The following PLA2G5 variants were observed in gnomAD, a reference collection of about 807,000 sequenced individuals.
PLA2G5 encodes Ca2+-dependent phospholipase A2.
A neutral mutation model predicts 15.9 loss-of-function variants in PLA2G5; 12 were observed. The ratio of observed to expected loss-of-function variants is 0.76; its 90% CI spans 0.48 to 1.23. PLA2G5 has a LOEUF of 1.23. PLA2G5 is among the 50% of genes most tolerant of loss of function. PLA2G5 has a pLI of 0.00. For missense variants in PLA2G5, 169 were observed against 177.1 expected, an observed-to-expected ratio of 0.95 and a Z score of 0.26; for synonymous variants, 71 against 71.4, an observed-to-expected ratio of 0.99 and a Z score of 0.03.
intron 1 of PLA2G5, among the ~76,000 whole-genome samples, chr1:20,074,182 T>C: frequency 6.6e-6 from 1 of 152,164 alleles, no homozygotes; most frequent in East Asian, 1.9e-4. Context: ...AAAGCTGTTG[T>C]TGGAAAAGCT....
At chr1:20,074,668 C>T (rs2015573355) in intron 1 of PLA2G5, among the ~76,000 whole-genome samples, 3 of 152,168 alleles carry the variant, frequency 2.0e-5, no homozygotes, top group South Asian at 4.1e-4. Context: ...AAGTGCCTTC[C>T]GGGGAGAGGA....
At chr1:20,050,127 A>G (rs916182406) in intron 1 of PLA2G5, among the ~76,000 whole-genome samples, 3 of 152,216 alleles carry the variant, frequency 2.0e-5, no homozygotes, top group Non-Finnish European at 4.4e-5. Flanking sequence ...GAAAAGGCAG[A>G]TAAAATTTTT....
At chr1:20,054,905 C>T (rs2014359705) in intron 1 of PLA2G5, 1 of 152,206 alleles carries the variant, frequency 6.6e-6, no homozygotes, top group South Asian at 2.1e-4. Flanking sequence ...AACTAGCTCA[C>T]ATTCTCACTA....
chr1:20,039,330 A>T (rs573866379), intron 1 of PLA2G5, among the ~76,000 whole-genome samples: 4 of 152,240 alleles, frequency 2.6e-5, no homozygotes, highest in Non-Finnish European at 5.9e-5. Context: ...GCCTCTGAGC[A>T]GTGGAAGGTG....
At position 20,086,187 on chromosome 1, in the gene PLA2G5, G is replaced by A. The variant is rs387906796; in HGVS notation, c.145G>A (p.Gly49Ser). 19 of 1,614,082 alleles carry A rather than the reference G, an allele frequency of 1.2e-5. No homozygotes were observed. Among genetic ancestry groups the A allele is most frequent in the Middle Eastern group, 1.6e-4 (1 of 6,062 alleles). The change falls in exon 3 of 5, where the codon GGC (glycine) becomes AGC (serine). Residue 49 changes from glycine to serine, a missense_variant. By Grantham distance (56) the Gly-to-Ser change is moderately conservative. Transcript: ENST00000375108. The stretch of plus-strand genomic sequence containing the variant: ...CTACGGCTTCTACGGCTGTTACTGC[G>A]GCTGGGGCGGCCGAGGAACCCCCAA... The part of the protein sequence containing the change: ...TNYGFYGCYC[G>S]WGGRGTPKDG...
chr1:20,030,420 A>C (rs1189881039), intron 1 of PLA2G5, among the ~76,000 whole-genome samples: 1 of 152,150 alleles, frequency 6.6e-6, no homozygotes, highest in Non-Finnish European at 1.5e-5. Flanking sequence ...TGCCACCAGC[A>C]TGTCTCACCT....
At position 20,030,710 on chromosome 1, in the gene PLA2G5, C is replaced by T. The variant is rs181323746; in HGVS notation, n.276+2001C>T. 1.5e-3 allele frequency among the ~76,000 whole-genome samples: 230 copies of T among 152,224 alleles called. 2 individuals are homozygous for T. The highest frequency in any genetic ancestry group is 5.4e-3 in the African/African-American group (224 of 41,546). The stretch of plus-strand genomic sequence containing the variant: ...TACCCAGGCTTTCTTGGGCAGAGGT[C>T]CCTGCGGCCTTCTGCAGTGCACTGT... On this transcript the variant is annotated intron_variant and non_coding_transcript_variant, in intron 1 of 6. Transcript: ENST00000460175.
chr1:20,080,947 C>T (rs1029970076), intron 1 of PLA2G5, among the ~76,000 whole-genome samples: 2 of 151,906 alleles, frequency 1.3e-5, no homozygotes, highest in African/African-American at 2.4e-5. Context: ...ACCTCTCTCA[C>T]AGACAGCAGG....
intron 1 of PLA2G5, among the ~76,000 whole-genome samples, chr1:20,046,699 G>A (rs2013923663): frequency 6.6e-6 from 1 of 152,054 alleles, no homozygotes; most frequent in Non-Finnish European, 1.5e-5. Flanking sequence ...TGGCTTTGGG[G>A]GTACCAGAGA....
intron 1 of PLA2G5, among the ~76,000 whole-genome samples, chr1:20,033,525 G>A (rs553104487): frequency 6.6e-6 from 1 of 152,322 alleles, no homozygotes; most frequent in East Asian, 1.9e-4. Context: ...CAATTGTAAT[G>A]TGTTGGTTAG....
upstream of PLA2G5, chr1:20,069,127 A>G (rs1432047058): frequency 1.6e-5 from 7 of 442,590 alleles, no homozygotes; most frequent in Non-Finnish European, 3.2e-5. Context: ...GGAAGAATTG[A>G]CAAATGTGAT....
At position 20,089,879 on chromosome 1, in the gene PLA2G5, G is replaced by A; in HGVS notation, c.276G>A (p.Trp92Ter). The change falls in exon 4 of 5, where the codon TGG (tryptophan) becomes TGA (stop). Residue 92 changes from tryptophan (W) to a stop codon, truncating the protein, a stop_gained. Transcript: ENST00000375108. LOFTEE classifies it low-confidence loss of function (END_TRUNC). ...AGTCCTACAAATACAGATTCGCGTGGGGCGTGGTCACCTGCGGTAAGGCTG... is the reference window on the plus strand; with the variant it reads ...AGTCCTACAAATACAGATTCGCGTGAGGCGTGGTCACCTGCGGTAAGGCTG... ...RTQSYKYRFA[W>*]GVVTCEPGPF... 2 of 1,613,278 alleles carry A rather than the reference G, an allele frequency of 1.2e-6. No individual in the cohort carries two copies. Among genetic ancestry groups the A allele is most frequent in the Non-Finnish European group, 1.7e-6 (2 of 1,179,426 alleles).
At chr1:20,039,251 A>G (rs1025263866) in intron 1 of PLA2G5, among the ~76,000 whole-genome samples, 1 of 152,218 alleles carries the variant, frequency 6.6e-6, no homozygotes, top group Non-Finnish European at 1.5e-5. Flanking sequence ...TGTTTATCTT[A>G]TAATGAGGGT....
chr1:20,079,881 G>C (rs1479148045), intron 1 of PLA2G5, among the ~76,000 whole-genome samples: 1 of 152,166 alleles, frequency 6.6e-6, no homozygotes, highest in African/African-American at 2.4e-5. Flanking sequence ...AGTTAGCACA[G>C]AGTCAGGTGC....
chr1:20,089,756 C>T lies in PLA2G5; in HGVS notation c.186-33C>T, dbSNP rs191331825. The T allele has an allele frequency of 7.0e-6, 11 of 1,577,264 alleles. No homozygotes were observed. The African/African-American group carries it at 9.4e-5, about 14-fold the overall frequency. ...GGGATGGGGTCAGGAGGGCACCCCTCCCACTCGGGATCTAAGTCTCTTGCA... is the reference window on the plus strand; with the variant it reads ...GGGATGGGGTCAGGAGGGCACCCCTTCCACTCGGGATCTAAGTCTCTTGCA... On this transcript the variant is annotated intron_variant, in intron 3 of 4. Coordinates refer to ENST00000375108, the MANE Select transcript of PLA2G5 (RefSeq NM_000929.3).
intron 3 of PLA2G5, 121 bp from the exon 4 acceptor site, chr1:20,089,668 C>A (rs1333451853): frequency 4.3e-6 from 3 of 704,464 alleles, no homozygotes; most frequent in African/African-American, 1.8e-5. Flanking sequence ...ATCCTCCCTG[C>A]CACATCGCGT....
Position 20,090,893 on chromosome 1 carries a change from T to A in PLA2G5, c.*201T>A. The A allele has an allele frequency of 1.8e-6, 1 of 547,398 alleles. No individual in the cohort carries two copies. The highest frequency in any genetic ancestry group is 3.2e-6 in the Non-Finnish European group (1 of 309,126). The allele number at this position is 547,398 out of a possible 1,614,324, so 33.9% of individuals were successfully genotyped here. A position where few individuals can be genotyped will look rare whatever the true frequency, so the allele number is the denominator to read the frequency against. Reference sequence around the variant, plus strand: ...ACTCTGGTCATAGGACTTGGTAGGGTCCCAGGGTCCCTAGGCCTCCACTTC... The same window carrying A: ...ACTCTGGTCATAGGACTTGGTAGGGACCCAGGGTCCCTAGGCCTCCACTTC... On this transcript the variant is annotated 3_prime_UTR_variant, in exon 5 of 5. Transcript: ENST00000375108.
chr1:20,051,492 T>G (rs1348107353), intron 1 of PLA2G5, among the ~76,000 whole-genome samples: 1 of 152,234 alleles, frequency 6.6e-6, no homozygotes, highest in Non-Finnish European at 1.5e-5. Flanking sequence ...TTTGAGCTAT[T>G]AACAGCTTTT....
chr1:20,030,002 T>C (rs2012829967), intron 1 of PLA2G5, among the ~76,000 whole-genome samples: 1 of 152,208 alleles, frequency 6.6e-6, no homozygotes, highest in African/African-American at 2.4e-5. Flanking sequence ...GTTCCAACTT[T>C]TTGTTTTTCC....
Sources: allele counts gnomAD v4.1 joint callset (sites outside exome capture counted in the v4.1 genomes callset), GRCh38; gene constraint gnomAD v4.1.1; transcripts MANE v1.5; gene names NCBI Gene and HGNC (gene_info 2026-07-23, HGNC 2026-07-21).